ZNF516: variants seen among roughly 807,000 people sequenced by gnomAD.
ZNF516 encodes zinc finger protein 516.
ZNF516 carries 19 observed loss-of-function variants against 79.7 expected under a neutral mutation model. The ratio of observed to expected loss-of-function variants is 0.24; its 90% CI spans 0.17 to 0.35. The LOEUF (loss-of-function observed/expected upper bound fraction) is 0.35, where lower values mean the gene tolerates loss of function less well. Ranked by LOEUF, ZNF516 falls within the 10% of genes least tolerant of loss-of-function variation. The pLI is 1.00. For synonymous variants in ZNF516, 877 were observed against 739.5 expected, an observed-to-expected ratio of 1.19 and a Z score of -3.02; for missense variants, 1,678 against 1,679.5, an observed-to-expected ratio of 1.00 and a Z score of 0.02.
At chr18:76,492,111 G>A in intron 1 of ZNF516, 9 of 968,144 alleles carry the variant, frequency 9.3e-6, no homozygotes, top group Non-Finnish European at 1.1e-5. Context: ...GGGGTCTCCG[G>A]GGAGGTAGTG....
intron 4 of ZNF516, 58 bp from the exon 5 acceptor site, chr18:76,371,629 G>A (rs2074709145): frequency 7.0e-7 from 1 of 1,437,066 alleles, no homozygotes; most frequent in Non-Finnish European, 9.6e-7. Flanking sequence ...GTGGAGGTGA[G>A]GAGGCAGGAG....
intron 1 of ZNF516, among the ~76,000 whole-genome samples, chr18:76,468,710 G>A (rs56021422): frequency 0.018 from 2,672 of 152,184 alleles, 78 homozygotes; most frequent in African/African-American, 0.06. Context: ...ATGAGCCAAC[G>A]CGCCCGGCCG....
At chr18:76,363,828 G>C (rs778159325) in intron 6 of ZNF516, among the ~76,000 whole-genome samples, 1 of 152,216 alleles carries the variant, frequency 6.6e-6, no homozygotes, top group Non-Finnish European at 1.5e-5. Context: ...AAAACTGGGA[G>C]TTATAGTTAG....
At chr18:76,399,875 TAATC>T (rs1480107763) in intron 3 of ZNF516, among the ~76,000 whole-genome samples, 26 of 152,112 alleles carry the variant, frequency 1.7e-4, no homozygotes, top group Non-Finnish European at 1.5e-5. Flanking sequence ...GAACCAGCAA[TAATC>T]ACTTAAGATT....
At position 76,362,418 on chromosome 18, in the gene ZNF516, C is replaced by A; in HGVS notation, c.*80G>T. 1.4e-6 allele frequency: 2 copies of A among 1,448,348 alleles called. No homozygotes were observed. Among genetic ancestry groups the A allele is most frequent in the Admixed American group, 1.9e-5 (1 of 53,800 alleles). 89.7% of individuals were successfully genotyped at this position (1,448,348 alleles called of 1,614,324 possible). A position where few individuals can be genotyped will look rare whatever the true frequency, so the allele number is the denominator to read the frequency against. On this transcript the variant is annotated 3_prime_UTR_variant, in exon 7 of 7. Coordinates refer to ENST00000443185, the MANE Select transcript of ZNF516 (RefSeq NM_014643.4). Reference sequence around the variant, plus strand: ...GTTCTTCCATGGAGCGGCCAGGTCACAGGTGGGAGGCTGCTGGGACATCGT... The same window carrying A: ...GTTCTTCCATGGAGCGGCCAGGTCAAAGGTGGGAGGCTGCTGGGACATCGT...
rs1056236530 is a variant in ZNF516, at chr18:76,488,167, C to T, written c.-272+6977G>A. On this transcript the variant is annotated intron_variant, in intron 1 of 6. Coordinates refer to ENST00000443185, the MANE Select transcript of ZNF516 (RefSeq NM_014643.4). The stretch of plus-strand genomic sequence containing the variant: ...CCCACAACGGATGCACAGCCTGACA[C>T]TACAATTCACTTGAAAAATGCAACT... 1.6e-5 allele frequency: 16 copies of T among 985,252 alleles called. No homozygotes were observed. In the African/African-American group the frequency reaches 1.9e-4, roughly 12 times the overall value. 61.0% of individuals were successfully genotyped at this position (985,252 alleles called of 1,614,324 possible).
intron 3 of ZNF516, among the ~76,000 whole-genome samples, chr18:76,399,101 T>G (rs1413849602): frequency 6.6e-6 from 1 of 152,208 alleles, no homozygotes; most frequent in African/African-American, 2.4e-5. Flanking sequence ...AGATGGCACC[T>G]GCGCCCAAGC....
intron 2 of ZNF516, among the ~76,000 whole-genome samples, chr18:76,457,752 TCCC>T (rs1912818214): frequency 6.6e-6 from 1 of 152,046 alleles, no homozygotes; most frequent in Non-Finnish European, 1.5e-5. Flanking sequence ...TGGGGGCAAC[TCCC>T]ACCACTGACT....
chr18:76,462,453 T>C (rs867870759), intron 2 of ZNF516, among the ~76,000 whole-genome samples: 14 of 152,204 alleles, frequency 9.2e-5, no homozygotes, highest in Non-Finnish European at 1.9e-4. Flanking sequence ...GCAGAGAGAT[T>C]AGCGGTCCAC....
chr18:76,469,417 G>C (rs1913693965), intron 1 of ZNF516, among the ~76,000 whole-genome samples: 1 of 152,070 alleles, frequency 6.6e-6, no homozygotes, highest in South Asian at 2.1e-4. Flanking sequence ...GTTAAAAGAA[G>C]GCACTCATGA....
At chr18:76,479,098 TC>T (rs1369938857) in intron 1 of ZNF516, among the ~76,000 whole-genome samples, 1 of 152,056 alleles carries the variant, frequency 6.6e-6, no homozygotes, top group African/African-American at 2.4e-5. Context: ...ACCTTTTTGT[TC>T]CTTCTCAGAA....
upstream of ZNF516, chr18:76,496,345 A>G: frequency 7.8e-7 from 1 of 1,289,448 alleles, no homozygotes; most frequent in Non-Finnish European, 1.0e-6. Flanking sequence ...TCCGTCCAAG[A>G]CGCCCAACGT....
At chr18:76,421,130 T>G (rs1568276832) in intron 3 of ZNF516, among the ~76,000 whole-genome samples, 1 of 152,212 alleles carries the variant, frequency 6.6e-6, no homozygotes. Context: ...ACCACTCTTA[T>G]GCACAATATG....
At chr18:76,457,437 T>C (rs915735260) in intron 2 of ZNF516, among the ~76,000 whole-genome samples, 1 of 152,146 alleles carries the variant, frequency 6.6e-6, no homozygotes, top group Non-Finnish European at 1.5e-5. Context: ...TAAAGAGGGA[T>C]GTGGGCGGCG....
intron 3 of ZNF516, among the ~76,000 whole-genome samples, chr18:76,400,665 C>A (rs1027099236): frequency 1.2e-4 from 18 of 152,230 alleles, no homozygotes; most frequent in African/African-American, 4.1e-4. Flanking sequence ...ACACAGAAAG[C>A]CAGGCAAAAC....
At chr18:76,460,558 G>C (rs961554726) in intron 2 of ZNF516, among the ~76,000 whole-genome samples, 1 of 152,156 alleles carries the variant, frequency 6.6e-6, no homozygotes, top group African/African-American at 2.4e-5. Flanking sequence ...ACCATCCTGA[G>C]CAGCTGGCAA....
intron 1 of ZNF516, chr18:76,492,617 G>A (rs1915299353): frequency 1.5e-6 from 1 of 647,430 alleles, no homozygotes; most frequent in Non-Finnish European, 1.9e-6. Flanking sequence ...TTGCCCGGGC[G>A]AGTGGGTTCC....
At chr18:76,458,909 G>C (rs568839645) in intron 2 of ZNF516, among the ~76,000 whole-genome samples, 6 of 152,242 alleles carry the variant, frequency 3.9e-5, no homozygotes, top group Non-Finnish European at 5.9e-5. Flanking sequence ...GTAAAGGTTA[G>C]AGTGTGTGAC....
At chr18:76,456,899 A>T (rs944796412) in intron 2 of ZNF516, among the ~76,000 whole-genome samples, 1 of 152,196 alleles carries the variant, frequency 6.6e-6, no homozygotes, top group African/African-American at 2.4e-5. Context: ...GTTTTCCAAA[A>T]TCACTTTGCT....
Sources: gnomAD v4.1 joint callset for allele counts (sites outside exome capture counted in the v4.1 genomes callset) on GRCh38, gnomAD v4.1.1 for gene constraint, MANE v1.5 for transcripts, NCBI Gene and HGNC (gene_info 2026-07-23, HGNC 2026-07-21) for gene names.